GRIK2: variants seen among roughly 807,000 people sequenced by gnomAD.
The protein encoded by GRIK2 is glutamate ionotropic receptor kainate type subunit 2.
A neutral mutation model predicts 100.3 loss-of-function variants in GRIK2; 32 were observed. The ratio of observed to expected loss-of-function variants is 0.32; its 90% CI spans 0.24 to 0.43. GRIK2 has a LOEUF of 0.43. GRIK2 is among the 20% of genes least tolerant of loss of function. The pLI is 1.00. For synonymous variants in GRIK2, 417 were observed against 389.4 expected (o/e 1.07, Z -0.83); for missense variants, 843 against 1,114.9 (o/e 0.76, Z 3.47).
intron 2 of GRIK2, among the ~76,000 whole-genome samples, chr6:101,538,416 TA>T (rs1332317364): frequency 6.6e-6 from 1 of 151,774 alleles, no homozygotes; most frequent in African/African-American, 2.4e-5. Flanking sequence ...TAAGTATTGG[TA>T]AATTTTTTTA....
chr6:101,489,858 C>T lies in GRIK2; in HGVS notation c.115+90466C>T. Among the ~76,000 whole-genome samples, 2 of 146,660 alleles carry T rather than the reference C, an allele frequency of 1.4e-5. 1 individual carries two copies. Among genetic ancestry groups the T allele is most frequent in the South Asian group, 4.3e-4 (2 of 4,652 alleles). On this transcript the variant is annotated intron_variant, in intron 2 of 16. Coordinates refer to ENST00000369134, the MANE Select transcript of GRIK2 (RefSeq NM_021956.5). ...AGCAGCCTGAAATAAAATAAAGGTA[C>T]TATATAGATGTATATTTTATCAAGT...
At chr6:101,948,345 C>G (rs1791399400) in intron 14 of GRIK2, among the ~76,000 whole-genome samples, 1 of 150,664 alleles carries the variant, frequency 6.6e-6, no homozygotes, top group African/African-American at 2.4e-5. Flanking sequence ...TCCGTTTACC[C>G]AGTAAGTGAC....
At chr6:102,058,002 T>C (rs1436209690) in intron 16 of GRIK2, among the ~76,000 whole-genome samples, 1 of 151,758 alleles carries the variant, frequency 6.6e-6, no homozygotes, top group Middle Eastern at 3.2e-3. Context: ...CCTATTGCAA[T>C]GAAAAAAAAT....
chr6:101,449,444 A>G (rs1277341862), intron 2 of GRIK2, among the ~76,000 whole-genome samples: 1 of 151,776 alleles, frequency 6.6e-6, no homozygotes, highest in Non-Finnish European at 1.5e-5. Flanking sequence ...CACCTGTAAC[A>G]AAAGACAGAT....
chr6:101,885,124 T>G (rs1304586751), intron 11 of GRIK2, among the ~76,000 whole-genome samples: 1 of 152,260 alleles, frequency 6.6e-6, no homozygotes, highest in Middle Eastern at 3.4e-3. Context: ...TTCAAATTTC[T>G]CATATCTTAT....
intron 7 of GRIK2, among the ~76,000 whole-genome samples, chr6:101,772,147 G>C (rs540004737): frequency 6.6e-6 from 1 of 152,240 alleles, no homozygotes; most frequent in Non-Finnish European, 1.5e-5. Context: ...CATTCTCAGA[G>C]GGAGATATAA....
chr6:101,686,491 G>T, intron 7 of GRIK2, 138 bp downstream of exon 7: 1 of 591,478 alleles, frequency 1.7e-6, no homozygotes, highest in Non-Finnish European at 3.0e-6. Flanking sequence ...GAGCTACAAT[G>T]CAAATACTTG....
chr6:101,807,423 G>A (rs1781073383), intron 9 of GRIK2, among the ~76,000 whole-genome samples: 2 of 151,996 alleles, frequency 1.3e-5, no homozygotes, highest in South Asian at 4.2e-4. Flanking sequence ...GTCCTTACAA[G>A]TTACAGTATG....
chr6:101,877,136 A>AAC (rs151191425), intron 11 of GRIK2, among the ~76,000 whole-genome samples: 6 of 151,368 alleles, frequency 4.0e-5, no homozygotes, highest in East Asian at 3.9e-4. Flanking sequence ...AACACAGACG[A>AAC]ACACACACAC....
chr6:101,787,241 A>T (rs1562384841), intron 7 of GRIK2, among the ~76,000 whole-genome samples: 1 of 149,740 alleles, frequency 6.7e-6, no homozygotes, highest in East Asian at 2.0e-4. Flanking sequence ...AAGTTTGTCA[A>T]TTTTTTTTAA....
chr6:101,632,025 G>C (rs542533415), intron 4 of GRIK2, among the ~76,000 whole-genome samples: 1 of 152,008 alleles, frequency 6.6e-6, no homozygotes, highest in Non-Finnish European at 1.5e-5. Flanking sequence ...CCTTTTAGTT[G>C]TTGAAAATAA....
chr6:101,564,893 T>G (rs1288039906), intron 2 of GRIK2, among the ~76,000 whole-genome samples: 1 of 152,094 alleles, frequency 6.6e-6, no homozygotes, highest in African/African-American at 2.4e-5. Context: ...TACAACACTG[T>G]TCATTCCATT....
At chr6:102,022,002 A>G (rs780885018) in intron 14 of GRIK2, among the ~76,000 whole-genome samples, 6 of 149,730 alleles carry the variant, frequency 4.0e-5, no homozygotes, top group Non-Finnish European at 8.9e-5. Flanking sequence ...TTTTATTTTT[A>G]GAAGGGTAGA....
At chr6:101,878,538 C>T (rs759300462) in intron 11 of GRIK2, among the ~76,000 whole-genome samples, 20 of 151,914 alleles carry the variant, frequency 1.3e-4, no homozygotes, top group Admixed American at 5.9e-4. Context: ...CACAATATAC[C>T]TCACAAATTT....
At chr6:101,675,645 A>C (rs1319555112) in intron 4 of GRIK2, among the ~76,000 whole-genome samples, 2 of 152,064 alleles carry the variant, frequency 1.3e-5, no homozygotes, top group Non-Finnish European at 2.9e-5. Flanking sequence ...ACATTCAATA[A>C]TTTTTCTCTT....
intron 12 of GRIK2, among the ~76,000 whole-genome samples, chr6:101,920,900 G>A (rs906898350): frequency 6.6e-6 from 1 of 151,870 alleles, no homozygotes; most frequent in African/African-American, 2.4e-5. Context: ...AAATAGAGAT[G>A]TGATATTATG....
intron 14 of GRIK2, among the ~76,000 whole-genome samples, chr6:101,955,621 C>G (rs906288589): frequency 1.0e-4 from 12 of 115,678 alleles, no homozygotes; most frequent in East Asian, 2.4e-4. Flanking sequence ...TCTCTCCCCC[C>G]CATTTCTTTT....
At chr6:101,914,185 C>G (rs1413578888) in intron 12 of GRIK2, among the ~76,000 whole-genome samples, 1 of 151,110 alleles carries the variant, frequency 6.6e-6, no homozygotes, top group Non-Finnish European at 1.5e-5. Context: ...TGGTGATGTA[C>G]TAGATGTGGA....
chr6:101,746,102 G>A (rs1037604579), intron 7 of GRIK2, among the ~76,000 whole-genome samples: 3 of 152,098 alleles, frequency 2.0e-5, no homozygotes, highest in Admixed American at 6.6e-5. Context: ...AGCCAGCTAG[G>A]CAAGTGAAGA....
Sources: allele counts gnomAD v4.1 joint callset (sites outside exome capture counted in the v4.1 genomes callset), GRCh38; gene constraint gnomAD v4.1.1; transcripts MANE v1.5; gene names NCBI Gene and HGNC (gene_info 2026-07-23, HGNC 2026-07-21).